Variants in TRIQK observed in about 807,000 individuals in gnomAD.
The protein encoded by TRIQK is triple QxxK/R motif-containing protein.
In TRIQK, 10 loss-of-function variants were observed where a neutral mutation model predicts 10.8. The observed-to-expected ratio is 0.92, with a 90% CI of 0.57 to 1.57. The LOEUF (loss-of-function observed/expected upper bound fraction) is 1.57, where lower values mean the gene tolerates loss of function less well. Ranked by LOEUF, TRIQK falls within the 40% of genes most tolerant of loss-of-function variation. The pLI is 0.00. For missense variants in TRIQK, 107 were observed against 97.7 expected (o/e 1.09, Z -0.40); for synonymous variants, 33 against 33.7 (o/e 0.98, Z 0.07).
intron 3 of TRIQK, among the ~76,000 whole-genome samples, chr8:92,893,880 C>T (rs568814747): frequency 1.3e-5 from 2 of 151,918 alleles, no homozygotes; most frequent in South Asian, 4.1e-4. Flanking sequence ...CAGGAATAAA[C>T]AGATGCAAGA....
At chr8:92,918,590 T>C (rs1053256536) in intron 2 of TRIQK, among the ~76,000 whole-genome samples, 1 of 152,052 alleles carries the variant, frequency 6.6e-6, no homozygotes, top group Non-Finnish European at 1.5e-5. Flanking sequence ...ATTGAGTTGT[T>C]TGAGCTCCTT....
chr8:92,943,892 A>G (rs1202824319), intron 2 of TRIQK, among the ~76,000 whole-genome samples: 1 of 152,162 alleles, frequency 6.6e-6, no homozygotes, highest in Non-Finnish European at 1.5e-5. Context: ...GAAACAAGCA[A>G]TAGAGTAAAG....
intron 4 of TRIQK, 48 bp from the exon 5 acceptor site, chr8:92,886,783 T>G: frequency 9.8e-7 from 1 of 1,017,780 alleles, no homozygotes; most frequent in Admixed American, 2.0e-5. Context: ...AAAAGATTGG[T>G]TAACATTATT....
intron 1 of TRIQK, among the ~76,000 whole-genome samples, chr8:92,998,317 T>TA (rs980693543): frequency 6.6e-6 from 1 of 151,998 alleles, no homozygotes; most frequent in Non-Finnish European, 1.5e-5. Flanking sequence ...TCAGTTATAA[T>TA]AAAAAAGAGA....
intron 4 of TRIQK, among the ~76,000 whole-genome samples, chr8:92,887,366 G>A (rs1187116752): frequency 6.6e-6 from 1 of 151,346 alleles, no homozygotes; most frequent in East Asian, 1.9e-4. Context: ...ATTTATCACA[G>A]TTTTGAAGGA....
intron 2 of TRIQK, among the ~76,000 whole-genome samples, chr8:92,938,280 A>T (rs532223818): frequency 6.9e-4 from 105 of 152,072 alleles, no homozygotes; most frequent in African/African-American, 2.4e-3. Flanking sequence ...AGATATATAT[A>T]TATATTCGAG....
chr8:92,959,482 C>T (rs1012443761), intron 1 of TRIQK, among the ~76,000 whole-genome samples: 20 of 17,038 alleles, frequency 1.2e-3, no homozygotes, highest in African/African-American at 6.4e-3. Context: ...TATATGCATA[C>T]ACACACACAC....
intron 1 of TRIQK, among the ~76,000 whole-genome samples, chr8:92,989,561 G>A (rs1411100444): frequency 6.6e-6 from 1 of 152,158 alleles, no homozygotes; most frequent in African/African-American, 2.4e-5. Flanking sequence ...AATACCTGAT[G>A]ATCCGTCACT....
At chr8:92,971,566 T>C (rs773870241) in intron 1 of TRIQK, among the ~76,000 whole-genome samples, 1 of 151,992 alleles carries the variant, frequency 6.6e-6, no homozygotes, top group Non-Finnish European at 1.5e-5. Flanking sequence ...GAGAATAAAA[T>C]ACCTAGATAT....
At chr8:93,007,323 GCAA>G (rs763995050) in intron 1 of TRIQK, among the ~76,000 whole-genome samples, 3 of 152,128 alleles carry the variant, frequency 2.0e-5, no homozygotes, top group African/African-American at 2.4e-5. Flanking sequence ...CAAACAGAAA[GCAA>G]CAACAACAAC....
chr8:92,905,573 T>C (rs917166730), intron 3 of TRIQK, among the ~76,000 whole-genome samples: 2 of 152,316 alleles, frequency 1.3e-5, no homozygotes, highest in Non-Finnish European at 2.9e-5. Context: ...TGGTTGTTCA[T>C]GTTCTTGTTT....
intron 1 of TRIQK, among the ~76,000 whole-genome samples, chr8:93,017,215 G>A (rs1428894937): frequency 6.6e-6 from 1 of 151,428 alleles, no homozygotes; most frequent in Non-Finnish European, 1.5e-5. Context: ...TTGCTCTGGG[G>A]AGAGTGGAAG....
chr8:92,993,963 A>T (rs1468400309), intron 1 of TRIQK, among the ~76,000 whole-genome samples: 1 of 152,148 alleles, frequency 6.6e-6, no homozygotes, highest in Non-Finnish European at 1.5e-5. Flanking sequence ...ACTCCTCTTG[A>T]TGGTACACTT....
chr8:93,014,680 T>C (rs1164224924), intron 1 of TRIQK, among the ~76,000 whole-genome samples: 5 of 152,102 alleles, frequency 3.3e-5, no homozygotes, highest in Non-Finnish European at 1.5e-5. Context: ...ATACACTCTT[T>C]GGAAGAACCC....
At chr8:92,975,795 A>G (rs1013342644) in intron 1 of TRIQK, among the ~76,000 whole-genome samples, 1 of 151,940 alleles carries the variant, frequency 6.6e-6, no homozygotes, top group Non-Finnish European at 1.5e-5. Flanking sequence ...CTTTTCTAAT[A>G]TAGGAGATAA....
chr8:92,907,506 A>G (rs924121245), intron 3 of TRIQK, among the ~76,000 whole-genome samples: 5 of 152,198 alleles, frequency 3.3e-5, no homozygotes, highest in Non-Finnish European at 5.9e-5. Flanking sequence ...CAAGTCTTAA[A>G]CAGAGATTAT....
chr8:92,948,946 G>A (rs913466251), intron 2 of TRIQK, among the ~76,000 whole-genome samples: 2 of 152,142 alleles, frequency 1.3e-5, no homozygotes, highest in African/African-American at 4.8e-5. Context: ...GACTGCAACC[G>A]ACTTTTGTGC....
At chr8:92,939,594 G>T (rs1171766389) in intron 2 of TRIQK, among the ~76,000 whole-genome samples, 1 of 152,032 alleles carries the variant, frequency 6.6e-6, no homozygotes, top group Non-Finnish European at 1.5e-5. Context: ...GCAAAGAGAT[G>T]TCCTCCTCCA....
At chr8:92,927,455 G>GT (rs1810501389) in intron 2 of TRIQK, among the ~76,000 whole-genome samples, 1 of 151,948 alleles carries the variant, frequency 6.6e-6, no homozygotes, top group African/African-American at 2.4e-5. Flanking sequence ...AAATTTGGGA[G>GT]TAAAAAAATA....
Sources: gnomAD v4.1 joint callset for allele counts (sites outside exome capture counted in the v4.1 genomes callset) on GRCh38, gnomAD v4.1.1 for gene constraint, MANE v1.5 for transcripts, NCBI Gene and HGNC (gene_info 2026-07-23, HGNC 2026-07-21) for gene names.